FAM20A: variants seen among roughly 807,000 people sequenced by gnomAD.
The protein encoded by FAM20A is FAM20A golgi associated secretory pathway pseudokinase, also known as pseudokinase FAM20A.
FAM20A carries 42 observed loss-of-function variants against 52.0 expected under a neutral mutation model. The observed-to-expected ratio is 0.81, with a 90% confidence interval of 0.63 to 1.04. FAM20A has a LOEUF of 1.04. Among genes scored for constraint, FAM20A ranks in the 50% least tolerant of loss-of-function variants. FAM20A has a pLI of 0.00. For synonymous variants in FAM20A, 304 were observed against 298.9 expected (o/e 1.02, Z -0.18); for missense variants, 742 against 712.7 (o/e 1.04, Z -0.47).
intron 3 of FAM20A, among the ~76,000 whole-genome samples, chr17:68,552,938 C>T (rs1159726919): frequency 8.8e-6 from 1 of 113,104 alleles, no homozygotes; most frequent in Non-Finnish European, 2.0e-5. Context: ...GCCTCGGCCT[C>T]CCAAAGTGCT....
At chr17:68,589,293 C>T (rs1035953799) in intron 1 of FAM20A, among the ~76,000 whole-genome samples, 1 of 152,190 alleles carries the variant, frequency 6.6e-6, no homozygotes, top group Non-Finnish European at 1.5e-5. Flanking sequence ...TAGCTGACTA[C>T]AGACACCTGA....
Position 68,572,807 on chromosome 17 carries a change from G to T in FAM20A, c.405-17064C>A, listed in dbSNP as rs563765882. ...TTCTTCCCACCGCTCCATCTCATGGGCTCAAAAAACATATTTCTCATTGCT... is the reference window on the plus strand; with the variant it reads ...TTCTTCCCACCGCTCCATCTCATGGTCTCAAAAAACATATTTCTCATTGCT... On this transcript the variant is annotated intron_variant, in intron 1 of 10. Coordinates refer to ENST00000592554, the MANE Select transcript of FAM20A (RefSeq NM_017565.4). Among the ~76,000 whole-genome samples the T allele has an allele frequency of 1.6e-4, 24 of 151,968 alleles. No individual in the cohort carries two copies. In the South Asian group the frequency reaches 4.4e-3, roughly 28 times the overall value.
intron 1 of FAM20A, among the ~76,000 whole-genome samples, chr17:68,572,013 T>TGTAGC (rs2087569783): frequency 9.8e-6 from 1 of 102,240 alleles, no homozygotes; most frequent in African/African-American, 4.3e-5. Flanking sequence ...TATATATATA[T>TGTAGC]ATATATATAT....
chr17:68,554,384 A>G (rs905392690), intron 3 of FAM20A, among the ~76,000 whole-genome samples: 1 of 152,184 alleles, frequency 6.6e-6, no homozygotes, highest in African/African-American at 2.4e-5. Flanking sequence ...TACAGGTGTG[A>G]GCCACTGAGC....
At chr17:68,544,427 G>A (rs768831277) in intron 4 of FAM20A, among the ~76,000 whole-genome samples, 16 of 152,190 alleles carry the variant, frequency 1.1e-4, no homozygotes, top group Non-Finnish European at 1.9e-4. Context: ...GGGCCTTGTG[G>A]TGTGAGTTCT....
intron 1 of FAM20A, among the ~76,000 whole-genome samples, chr17:68,593,998 G>C (rs181124462): frequency 1.3e-5 from 2 of 152,220 alleles, no homozygotes; most frequent in African/African-American, 4.8e-5. Flanking sequence ...TGGTGGTTAA[G>C]AGCATGGATT....
At chr17:68,557,440 G>A (rs938758030) in intron 1 of FAM20A, 1 of 151,984 alleles carries the variant, frequency 6.6e-6, no homozygotes, top group African/African-American at 2.4e-5. Context: ...TGGGATTAAT[G>A]CCTTCATAAA....
At chr17:68,569,735 T>C (rs1475252532) in intron 1 of FAM20A, among the ~76,000 whole-genome samples, 1 of 152,222 alleles carries the variant, frequency 6.6e-6, no homozygotes, top group East Asian at 1.9e-4. Context: ...CATGTTCTTC[T>C]ATCCCAGCTA....
Position 68,600,183 on chromosome 17 carries a change from C to T in FAM20A, c.404+80G>A, listed in dbSNP as rs2088573884. 3 of 1,476,308 alleles carry T rather than the reference C, an allele frequency of 2.0e-6. No individual in the cohort carries two copies. The highest frequency in any genetic ancestry group is 4.2e-5 in the Admixed American group (2 of 47,698). 91.5% of individuals were successfully genotyped at this position (1,476,308 alleles called of 1,614,324 possible). A position where few individuals can be genotyped will look rare whatever the true frequency, so the allele number is the denominator to read the frequency against. On this transcript the variant is annotated intron_variant, in intron 1 of 10. Transcript: ENST00000592554. The surrounding 1 kb of genome is among the most constrained non-coding windows in gnomAD (Gnocchi z 6.2). ...AGCCGCTGCAGCCCTGGGCCGGGGGCGTCAGGAAACTCGAGACTGGGGCGC... is the reference window on the plus strand; with the variant it reads ...AGCCGCTGCAGCCCTGGGCCGGGGGTGTCAGGAAACTCGAGACTGGGGCGC...
At chr17:68,584,779 A>G (rs9900345) in intron 1 of FAM20A, among the ~76,000 whole-genome samples, 5,255 of 152,296 alleles carry the variant, frequency 0.035, 134 homozygotes, top group East Asian at 0.12. Flanking sequence ...ACAACTGCCA[A>G]AAAGAGCTGC....
chr17:68,542,217 G>T, intron 6 of FAM20A, 52 bp from the exon 7 acceptor site: 2 of 1,595,020 alleles, frequency 1.3e-6, no homozygotes, highest in South Asian at 2.2e-5. Context: ...CTGGAGGCAT[G>T]ACATCTTCCT....
rs76813308 is a variant in FAM20A at position 68,545,563 on chromosome 17, G to T, written c.720-1842C>A. ...TTCAGCAAGTCATAATCTTTTTGCT[G>T]ACTGACTGGGGTGGTGGTTGCTGAA... On this transcript the variant is annotated intron_variant, in intron 4 of 10. Transcript: ENST00000592554. Among the ~76,000 whole-genome samples, 238 of 152,306 alleles carry T rather than the reference G, an allele frequency of 1.6e-3. 1 individual carries two copies. Among genetic ancestry groups the T allele is most frequent in the Non-Finnish European group, 2.8e-3 (193 of 68,026 alleles).
chr17:68,554,067 CAT>C (rs1555824670), intron 3 of FAM20A, among the ~76,000 whole-genome samples: 30 of 93,594 alleles, frequency 3.2e-4, no homozygotes, highest in Admixed American at 1.2e-3. Flanking sequence ...CATATACACA[CAT>C]ATACACACAT....
At chr17:68,575,614 A>G (rs1346158834) in intron 1 of FAM20A, among the ~76,000 whole-genome samples, 3 of 110,694 alleles carry the variant, frequency 2.7e-5, no homozygotes, top group Non-Finnish European at 5.1e-5. Context: ...AATATATTCT[A>G]TATTATATAT....
intron 1 of FAM20A, among the ~76,000 whole-genome samples, chr17:68,590,871 A>C (rs959822525): frequency 3.9e-5 from 6 of 152,144 alleles, no homozygotes; most frequent in African/African-American, 1.4e-4. Context: ...GACGGTGGGA[A>C]TCAGCCTCCA....
At chr17:68,541,801 C>G (rs1215817439) in intron 7 of FAM20A, 184 bp downstream of exon 7, 1 of 668,700 alleles carries the variant, frequency 1.5e-6, no homozygotes, top group Non-Finnish European at 2.5e-6. Context: ...TTCTTTAGAA[C>G]TGAATAAATG....
rs1350272044 is a variant in FAM20A at position 68,600,554 on chromosome 17, C to G, written c.113G>C (p.Arg38Pro). Residue 38 changes from arginine to proline, a missense_variant, in exon 1 of 11, where the codon CGG becomes CCG. Coordinates refer to ENST00000592554, the MANE Select transcript of FAM20A (RefSeq NM_017565.4). The surrounding 1 kb of genome is among the most constrained non-coding windows in gnomAD (Gnocchi z 6.2). ...WPQVQRQLRP[R>P]ERPRGCPCTG... ...GCACGGGCACCCCCGCGGGCGCTCCCGAGGCCGCAGCTGGCGCTGTACTTG... is the reference window on the plus strand; with the variant it reads ...GCACGGGCACCCCCGCGGGCGCTCCGGAGGCCGCAGCTGGCGCTGTACTTG... The G allele has an allele frequency of 1.3e-6, 2 of 1,557,350 alleles. No individual in the cohort carries two copies. The highest frequency in any genetic ancestry group is 1.4e-5 in the African/African-American group (1 of 73,662).
intron 1 of FAM20A, among the ~76,000 whole-genome samples, chr17:68,578,310 T>C (rs904117935): frequency 6.6e-6 from 1 of 152,196 alleles, no homozygotes; most frequent in African/African-American, 2.4e-5. Context: ...TGTAGGTGGG[T>C]ACAATACGGG....
At chr17:68,550,948 T>C in intron 4 of FAM20A, 1 of 669,726 alleles carries the variant, frequency 1.5e-6, no homozygotes, top group Non-Finnish European at 2.1e-6. Flanking sequence ...ACTGGGGCTC[T>C]CAATGGGCCT....
Sources: gnomAD v4.1 joint callset for allele counts (sites outside exome capture counted in the v4.1 genomes callset) on GRCh38, gnomAD v4.1.1 for gene constraint, Gnocchi (gnomAD v3.1) non-coding constraint, MANE v1.5 for transcripts, NCBI Gene and HGNC (gene_info 2026-07-23, HGNC 2026-07-21) for gene names.